Variants in ATP8B1 observed in about 807,000 individuals in gnomAD.
The protein encoded by ATP8B1 is phospholipid-transporting ATPase IC.
ATP8B1 carries 80 observed loss-of-function variants against 149.9 expected under a neutral mutation model. The observed-to-expected ratio is 0.53, with a 90% CI of 0.45 to 0.64. ATP8B1 has a LOEUF of 0.64. ATP8B1 is among the 30% of genes least tolerant of loss of function. The pLI is 0.00. For missense variants in ATP8B1, 1,247 were observed against 1,552.6 expected (o/e 0.80, Z 3.31); for synonymous variants, 536 against 562.8 (o/e 0.95, Z 0.67).
At chr18:57,676,704 C>G (rs1457922306) in intron 15 of ATP8B1, among the ~76,000 whole-genome samples, 1 of 122,568 alleles carries the variant, frequency 8.2e-6, no homozygotes, top group African/African-American at 3.2e-5. Context: ...GGTGACAGAC[C>G]GAGACTCCAT....
At chr18:57,766,983 C>A (rs2080216432) in intron 1 of ATP8B1, among the ~76,000 whole-genome samples, 1 of 152,018 alleles carries the variant, frequency 6.6e-6, no homozygotes, top group African/African-American at 2.4e-5. Flanking sequence ...TTGCACAGGT[C>A]TAGAGGTAAG....
chr18:57,766,971 A>G (rs1306001212), intron 1 of ATP8B1, among the ~76,000 whole-genome samples: 2 of 152,288 alleles, frequency 1.3e-5, no homozygotes, highest in East Asian at 1.9e-4. Context: ...AGAGTGTCCG[A>G]TTTGCACAGG....
chr18:57,655,247 C>CA lies in ATP8B1; in HGVS notation c.2877dup (p.Ala960CysfsTer50). On this transcript the variant is annotated frameshift_variant, in exon 23 of 28. Coordinates refer to ENST00000648908, the MANE Select transcript of ATP8B1 (RefSeq NM_001374385.1). LOFTEE classifies it high-confidence loss of function. ...TACCAGAAATGAACCAAAGTAAAGGCAAAGTTTTTGTAAAAGAAGTATCGT... is the reference window on the plus strand; with the variant it reads ...TACCAGAAATGAACCAAAGTAAAGGCAAAAGTTTTTGTAAAAGAAGTATCGT... 1.9e-6 allele frequency: 3 copies of CA among 1,614,130 alleles called. No homozygotes were observed. Among genetic ancestry groups the CA allele is most frequent in the Non-Finnish European group, 2.5e-6 (3 of 1,180,006 alleles).
chr18:57,759,113 GCCACTGCACT>G lies in ATP8B1; in HGVS notation c.-25-27291_-25-27282del, dbSNP rs1404211343. Among the ~76,000 whole-genome samples the G allele has an allele frequency of 6.6e-5, 9 of 137,010 alleles. No homozygotes were observed. The East Asian group carries it at 1.8e-3, about 27-fold the overall frequency. The allele number at this position is 137,010 out of a possible 152,430, so 89.9% of individuals were successfully genotyped here. ...GGAGGTTGCAATGAGCTGAGATTGT[GCCACTGCACT>G]CCAGCCTGGGCGACAGAACGAGATT... is the stretch of plus-strand genomic sequence containing the variant. On this transcript the variant is annotated intron_variant, in intron 1 of 27. Transcript: ENST00000648908.
intron 2 of ATP8B1, among the ~76,000 whole-genome samples, chr18:57,725,772 C>T (rs1055579297): frequency 6.6e-6 from 1 of 152,180 alleles, no homozygotes; most frequent in African/African-American, 2.4e-5. Flanking sequence ...CAAGAACATA[C>T]ATTGGGGAAA....
chr18:57,787,174 G>A (rs895370038), intron 1 of ATP8B1, among the ~76,000 whole-genome samples: 12 of 152,260 alleles, frequency 7.9e-5, no homozygotes, highest in East Asian at 1.9e-4. Flanking sequence ...CTAAGATATC[G>A]TGGCAAACAA....
chr18:57,779,375 G>T (rs926771896), intron 1 of ATP8B1, among the ~76,000 whole-genome samples: 23 of 152,018 alleles, frequency 1.5e-4, no homozygotes, highest in Non-Finnish European at 3.2e-4. Context: ...TAGCAGCAGA[G>T]AGAAATTACT....
At position 57,661,333 on chromosome 18, in the gene ATP8B1, G is replaced by A; in HGVS notation, c.2548C>T (p.Gln850Ter). 1.2e-6 allele frequency: 2 copies of A among 1,613,966 alleles called. No individual in the cohort carries two copies. Among genetic ancestry groups the A allele is most frequent in the Non-Finnish European group, 1.7e-6 (2 of 1,180,016 alleles). Reference sequence around the variant, plus strand: ...CAGGCCAGGTCCACAAAGTTTTTCTGCCGCTGCTCTTTCTTAGCTTCTAGC... The same window carrying A: ...CAGGCCAGGTCCACAAAGTTTTTCTACCGCTGCTCTTTCTTAGCTTCTAGC... Reference protein sequence around the residue: ...RRLEAKKEQRQKNFVDLACEC... With the variant: ...RRLEAKKEQR The change falls in exon 22 of 28, where the codon CAG becomes TAG. Residue 850 changes from glutamine to a stop codon, truncating the protein, a stop_gained. Transcript: ENST00000648908. LOFTEE classifies it high-confidence loss of function.
chr18:57,750,164 A>C (rs2080002562), intron 1 of ATP8B1, among the ~76,000 whole-genome samples: 1 of 152,144 alleles, frequency 6.6e-6, no homozygotes, highest in Non-Finnish European at 1.5e-5. Flanking sequence ...AATCGCTTGA[A>C]CCTGGGAGGT....
Position 57,661,620 on chromosome 18 carries a change from TGTGTGC to T in ATP8B1, c.2419-164_2419-159del, listed in dbSNP as rs140287914. ...TTTATAACCAAAACATGTATATATA[TGTGTGC>T]GTGTGTATGTATATACACACGCACA... On this transcript the variant is annotated intron_variant, in intron 21 of 27. Transcript: ENST00000648908. Among the ~76,000 whole-genome samples the T allele has an allele frequency of 0.13, 18,939 of 144,326 alleles. 1,473 individuals are homozygous for T. Among genetic ancestry groups the T allele is most frequent in the Non-Finnish European group, 0.17 (11,543 of 66,038 alleles). The allele number at this position is 144,326 out of a possible 152,430, so 94.7% of individuals were successfully genotyped here. A position where few individuals can be genotyped will look rare whatever the true frequency, so the allele number is the denominator to read the frequency against.
At chr18:57,673,366 A>G (rs1208609870) in intron 16 of ATP8B1, among the ~76,000 whole-genome samples, 1 of 152,098 alleles carries the variant, frequency 6.6e-6, no homozygotes, top group Non-Finnish European at 1.5e-5. Flanking sequence ...TATTGATTAG[A>G]TAATATTGTA....
Position 57,692,425 on chromosome 18 carries a change from A to ATT in ATP8B1, c.1030-430_1030-429dup, listed in dbSNP as rs10547283. ...AATGCTTATAGAAGATATTCAACAG[A>ATT]TTTTTTTTTTTTTTTTTTTTTTTTT... On this transcript the variant is annotated intron_variant, in intron 11 of 27. Transcript: ENST00000648908. Among the ~76,000 whole-genome samples, 250 of 57,064 alleles carry ATT rather than the reference A, an allele frequency of 4.4e-3. 19 individuals are homozygous for ATT. Among genetic ancestry groups the ATT allele is most frequent in the African/African-American group, 0.012 (176 of 14,860 alleles). 37.4% of individuals were successfully genotyped at this position (57,064 alleles called of 152,430 possible).
intron 2 of ATP8B1, among the ~76,000 whole-genome samples, chr18:57,713,203 CCT>C (rs1568207544): frequency 4.8e-5 from 5 of 103,506 alleles, no homozygotes; most frequent in African/African-American, 1.9e-4. Flanking sequence ...TTCTTTCCTT[CCT>C]TCCTTCCTTC....
chr18:57,717,361 C>T (rs1380913285), intron 2 of ATP8B1, among the ~76,000 whole-genome samples: 2 of 151,474 alleles, frequency 1.3e-5, no homozygotes, highest in Non-Finnish European at 2.9e-5. Flanking sequence ...CTGGCTAACA[C>T]ACTGAAACCC....
Position 57,648,067 on chromosome 18 carries a change from A to G in ATP8B1, c.*421T>C. On this transcript the variant is annotated 3_prime_UTR_variant, in exon 28 of 28. Coordinates refer to ENST00000648908, the MANE Select transcript of ATP8B1 (RefSeq NM_001374385.1). ...AGTGGCGCAATCTCGGCTCACTGTA[A>G]CCTCCATCTCCCAGGTTCAAGCGAT... The G allele has an allele frequency of 6.1e-6, 2 of 326,770 alleles. No homozygotes were observed. The highest frequency in any genetic ancestry group is 5.2e-5 in the South Asian group (2 of 38,510). The allele number at this position is 326,770 out of a possible 1,614,324, so 20.2% of individuals were successfully genotyped here. A position where few individuals can be genotyped will look rare whatever the true frequency, so the allele number is the denominator to read the frequency against.
chr18:57,752,736 G>A (rs2080034899), intron 1 of ATP8B1, among the ~76,000 whole-genome samples: 1 of 152,152 alleles, frequency 6.6e-6, no homozygotes, highest in African/African-American at 2.4e-5. Flanking sequence ...TTCACAGCTT[G>A]CAAAAGCTTT....
intron 4 of ATP8B1, among the ~76,000 whole-genome samples, chr18:57,702,798 G>C (rs1913193056): frequency 6.6e-6 from 1 of 150,970 alleles, no homozygotes; most frequent in Non-Finnish European, 1.5e-5. Flanking sequence ...CAGAGGTTTT[G>C]GTGAGCTGAG....
intron 24 of ATP8B1, among the ~76,000 whole-genome samples, chr18:57,653,529 G>A (rs975241340): frequency 1.3e-5 from 2 of 151,586 alleles, no homozygotes; most frequent in African/African-American, 4.8e-5. Context: ...GAAGCAATTT[G>A]CCTGCCTCAG....
intron 2 of ATP8B1, among the ~76,000 whole-genome samples, chr18:57,713,220 C>G: frequency 8.8e-6 from 1 of 113,314 alleles, no homozygotes; most frequent in South Asian, 3.2e-4. Context: ...TCCTTCCTTC[C>G]TTCCTTCCTT....
Sources: gnomAD v4.1 joint callset for allele counts (sites outside exome capture counted in the v4.1 genomes callset) on GRCh38, gnomAD v4.1.1 for gene constraint, MANE v1.5 for transcripts, NCBI Gene and HGNC (gene_info 2026-07-23, HGNC 2026-07-21) for gene names.